Variants in MAOA observed in about 807,000 individuals in gnomAD.
MAOA encodes the protein amine oxidase [flavin-containing] A.
Under a neutral mutation model 42.0 loss-of-function variants are expected in MAOA, and 6 were observed. That is an observed-to-expected ratio of 0.14 (90% CI 0.08 to 0.28). The LOEUF (loss-of-function observed/expected upper bound fraction) is 0.28. MAOA is among the 10% of genes least tolerant of loss of function. The probability of loss-of-function intolerance (pLI) is 1.00; values close to 1 mark genes in which losing one functional copy is unlikely to be tolerated. For synonymous variants in MAOA, 140 were observed against 154.0 expected (o/e 0.91, Z 0.67); for missense variants, 262 against 422.3 (o/e 0.62, Z 3.33).
At position 43,732,566 on chromosome X, in the gene MAOA, G is replaced by A. The variant is rs868602981; in HGVS notation, c.956-133G>A. The A allele has an allele frequency of 9.5e-5, 36 of 378,797 alleles. No individual in the cohort carries two copies. In the East Asian group the frequency reaches 1.4e-3, roughly 15 times the overall value. 31.2% of individuals were successfully genotyped at this position (378,797 alleles called of 1,213,427 possible). A position where few individuals can be genotyped will look rare whatever the true frequency, so the allele number is the denominator to read the frequency against. On this transcript the variant is annotated intron_variant, in intron 8 of 14. Coordinates refer to ENST00000338702, the MANE Select transcript of MAOA (RefSeq NM_000240.4). ...TCAGTGTGTGTATTTAACAAGACAT[G>A]TAGGGTTGGGGCCAAGACCAAGAGT... is the stretch of plus-strand genomic sequence containing the variant.
At chrX:43,677,919 C>T (rs56013616) in intron 1 of MAOA, among the ~76,000 whole-genome samples, 7,783 of 111,190 alleles carry the variant, frequency 0.07, 745 homozygotes, top group African/African-American at 0.24. Flanking sequence ...TCACTTAGAC[C>T]TCTTCTCTCA....
chrX:43,725,144 A>G lies in MAOA; in HGVS notation c.504-3029A>G, dbSNP rs1323908402. 2.7e-5 allele frequency among the ~76,000 whole-genome samples: 3 copies of G among 111,561 alleles called. No homozygotes were observed. In the Admixed American group the frequency reaches 2.9e-4, roughly 11 times the overall value. On this transcript the variant is annotated intron_variant, in intron 5 of 14. Transcript: ENST00000338702. ...TGATGTGGTACTGAGAAGAATGTAT[A>G]CTCTCTTGATTTGGGGTGGAGAGTT...
At chrX:43,656,554 G>C (rs1300052129) in intron 1 of MAOA, 140 bp downstream of exon 1, 3 of 575,875 alleles carry the variant, frequency 5.2e-6, no homozygotes, top group Non-Finnish European at 5.8e-6. Context: ...CATATCCTGC[G>C]AGGTAGGAGT....
intron 3 of MAOA, among the ~76,000 whole-genome samples, chrX:43,700,527 C>G (rs1172550614): frequency 8.9e-6 from 1 of 111,798 alleles, no homozygotes; most frequent in Non-Finnish European, 1.9e-5. Context: ...GGCACGGTGG[C>G]TTCTCTTCTC....
Position 43,711,978 on chromosome X carries a change from T to G in MAOA, c.411+2T>G. ...ACAATAGATAACATGGGGAAGGAGGTAAAATGTGTGTTCAGTTTGCACATG... is the reference window on the plus strand; with the variant it reads ...ACAATAGATAACATGGGGAAGGAGGGAAAATGTGTGTTCAGTTTGCACATG... On this transcript the variant is annotated splice_donor_variant, in intron 4 of 14. Coordinates refer to ENST00000338702, the MANE Select transcript of MAOA (RefSeq NM_000240.4). LOFTEE classifies it high-confidence loss of function. 18 of 1,067,339 alleles carry G rather than the reference T, an allele frequency of 1.7e-5. No individual in the cohort carries two copies. The highest frequency in any genetic ancestry group is 2.4e-5 in the Non-Finnish European group (18 of 764,571). The allele number at this position is 1,067,339 out of a possible 1,213,427, so 88.0% of individuals were successfully genotyped here. A position where few individuals can be genotyped will look rare whatever the true frequency, so the allele number is the denominator to read the frequency against.
At chrX:43,737,961 T>C (rs376168300) in intron 10 of MAOA, among the ~76,000 whole-genome samples, 10 of 112,127 alleles carry the variant, frequency 8.9e-5, no homozygotes, top group African/African-American at 3.2e-4. Context: ...TTCTCAAAAG[T>C]TCTTGTAAGG....
At chrX:43,705,453 A>G (rs1284270250) in intron 3 of MAOA, among the ~76,000 whole-genome samples, 2 of 112,228 alleles carry the variant, frequency 1.8e-5, no homozygotes, top group African/African-American at 3.2e-5. Context: ...TTCTTCTCAC[A>G]CTATACACAA....
Position 43,741,982 on chromosome X carries a change from G to A in MAOA, c.1197G>A (p.Glu399=), listed in dbSNP as rs1358616619. ...PVHYEEKNWC[E]EQYSGGCYTA... is the part of the protein sequence containing the mutation. ...ATTATGAAGAGAAGAACTGGTGTGA[G>A]GAGCAGTACTCTGGGGGCTGCTACA... Residue 399 remains glutamate (E), a synonymous_variant, in exon 12 of 15, where the codon GAG becomes GAA. Coordinates refer to ENST00000338702, the MANE Select transcript of MAOA (RefSeq NM_000240.4). The A allele has an allele frequency of 2.5e-6, 3 of 1,211,823 alleles. No homozygotes were observed. In the South Asian group the frequency reaches 5.3e-5, roughly 21 times the overall value.
intron 1 of MAOA, among the ~76,000 whole-genome samples, chrX:43,673,105 C>T (rs1313766301): frequency 2.7e-5 from 3 of 110,523 alleles, no homozygotes; most frequent in Non-Finnish European, 5.7e-5. Context: ...TGATTATTGC[C>T]ACAATTTCAG....
chrX:43,721,546 C>T (rs1398028282), intron 5 of MAOA, among the ~76,000 whole-genome samples: 2 of 110,822 alleles, frequency 1.8e-5, no homozygotes, highest in African/African-American at 6.6e-5. Context: ...GTAGGAGCCA[C>T]CACTGCTATA....
intron 5 of MAOA, among the ~76,000 whole-genome samples, chrX:43,713,909 G>A (rs1397995068): frequency 9.0e-6 from 1 of 111,533 alleles, no homozygotes; most frequent in Admixed American, 9.5e-5. Context: ...GATACACAGG[G>A]ACAGGAGAGA....
rs754658430 is a variant in MAOA at position 43,724,758 on chromosome X, G to A, written c.504-3415G>A. Among the ~76,000 whole-genome samples, 177 of 111,274 alleles carry A rather than the reference G, an allele frequency of 1.6e-3. 1 individual carries two copies. The highest frequency in any genetic ancestry group is 5.7e-3 in the African/African-American group (175 of 30,652). On this transcript the variant is annotated intron_variant, in intron 5 of 14. Coordinates refer to ENST00000338702, the MANE Select transcript of MAOA (RefSeq NM_000240.4). The stretch of plus-strand genomic sequence containing the variant: ...TCTTGCTTCTCTAGTTCTTTTAATT[G>A]TGATATTAGGGTGTCAGTTTTAGAT...
At chrX:43,736,474 A>G (rs1211171798) in intron 10 of MAOA, among the ~76,000 whole-genome samples, 194 bp downstream of exon 10, 1 of 111,352 alleles carries the variant, frequency 9.0e-6, no homozygotes, top group Non-Finnish European at 1.9e-5. Context: ...TTAATTTTAC[A>G]TGTTCGTGTT....
intron 4 of MAOA, 42 bp from the exon 5 acceptor site, chrX:43,712,663 C>A: frequency 1.1e-6 from 1 of 891,022 alleles, no homozygotes; most frequent in Non-Finnish European, 1.7e-6. Flanking sequence ...GAAGAGGTGG[C>A]AGTTACCATC....
At chrX:43,669,322 G>A (rs1256340466) in intron 1 of MAOA, among the ~76,000 whole-genome samples, 1 of 109,795 alleles carries the variant, frequency 9.1e-6, no homozygotes, top group Non-Finnish European at 1.9e-5. Flanking sequence ...GGAGGCTGAG[G>A]CAAGAGAATT....
intron 1 of MAOA, among the ~76,000 whole-genome samples, chrX:43,682,255 T>C (rs972756244): frequency 8.1e-5 from 9 of 111,330 alleles, no homozygotes; most frequent in African/African-American, 2.3e-4. Flanking sequence ...AGAACCCAGA[T>C]CTTGGTTTCT....
In MAOA at chrX:43,703,626, T is replaced by TA. The variant is rs750214568; in HGVS notation, c.307-8245dup. Among the ~76,000 whole-genome samples the TA allele has an allele frequency of 3.5e-3, 390 of 112,130 alleles. 2 individuals carry two copies. The highest frequency in any genetic ancestry group is 0.012 in the African/African-American group (367 of 30,903). ...TGCAAGCCAGAATGTGAAGAATGCCTAGGGGAATATTTCTCAAGTGTTTTC... is the reference window on the plus strand; with the variant it reads ...TGCAAGCCAGAATGTGAAGAATGCCTAAGGGGAATATTTCTCAAGTGTTTTC... On this transcript the variant is annotated intron_variant, in intron 3 of 14. Coordinates refer to ENST00000338702, the MANE Select transcript of MAOA (RefSeq NM_000240.4).
At chrX:43,687,654 G>T (rs1161565027) in intron 2 of MAOA, among the ~76,000 whole-genome samples, 1 of 112,270 alleles carries the variant, frequency 8.9e-6, no homozygotes, top group East Asian at 2.8e-4. Flanking sequence ...CATCTGACAT[G>T]GAAGTTAGAA....
chrX:43,672,649 A>G (rs1419827995), intron 1 of MAOA, among the ~76,000 whole-genome samples: 2 of 111,844 alleles, frequency 1.8e-5, no homozygotes, highest in Non-Finnish European at 3.8e-5. Context: ...AGTTTTTAGC[A>G]TGAAGTGTTC....
Sources: allele counts gnomAD v4.1 joint callset (sites outside exome capture counted in the v4.1 genomes callset), GRCh38; gene constraint gnomAD v4.1.1; transcripts MANE v1.5; gene names NCBI Gene and HGNC (gene_info 2026-07-23, HGNC 2026-07-21).